ADGRV1: variants seen among roughly 807,000 people sequenced by gnomAD.
ADGRV1 encodes G-protein coupled receptor 98.
In ADGRV1, 359 loss-of-function variants were observed where a neutral mutation model predicts 596.2. That is an observed-to-expected ratio of 0.60 (90% CI 0.55 to 0.66). The LOEUF (loss-of-function observed/expected upper bound fraction) is 0.66, where lower values mean the gene tolerates loss of function less well. Ranked by LOEUF, ADGRV1 falls within the 30% of genes least tolerant of loss-of-function variation. ADGRV1 has a pLI of 0.00. For missense variants in ADGRV1, 7,274 were observed against 7,575.6 expected, an observed-to-expected ratio of 0.96 and a Z score of 1.48; for synonymous variants, 2,681 against 2,679.2, an observed-to-expected ratio of 1.00 and a Z score of -0.02.
chr5:90,711,323 G>A lies in ADGRV1; in HGVS notation c.9042+1G>A. On this transcript the variant is annotated splice_donor_variant, in intron 41 of 89. Transcript: ENST00000405460. LOFTEE classifies it high-confidence loss of function. ...GCTGGATTATATCTTCACCCCAATGGTGGGTCTCAAAATCTATCACAGATG... is the reference window on the plus strand; with the variant it reads ...GCTGGATTATATCTTCACCCCAATGATGGGTCTCAAAATCTATCACAGATG... The A allele has an allele frequency of 6.3e-7, 1 of 1,597,180 alleles. No individual in the cohort carries two copies. Among genetic ancestry groups the A allele is most frequent in the Non-Finnish European group, 8.5e-7 (1 of 1,173,530 alleles).
chr5:90,662,078 T>C (rs1192955848), intron 21 of ADGRV1, among the ~76,000 whole-genome samples: 1 of 151,972 alleles, frequency 6.6e-6, no homozygotes, highest in Non-Finnish European at 1.5e-5. Context: ...AGTTTTCATA[T>C]ATAGAGTATA....
At chr5:90,605,431 A>G (rs1400990021) in intron 1 of ADGRV1, among the ~76,000 whole-genome samples, 2 of 150,606 alleles carry the variant, frequency 1.3e-5, no homozygotes. Flanking sequence ...AAAAAAAAAG[A>G]TAAAAAAATA....
intron 71 of ADGRV1, 102 bp from the exon 72 acceptor site, chr5:90,805,182 A>C: frequency 1.2e-6 from 1 of 806,998 alleles, no homozygotes; most frequent in Middle Eastern, 2.4e-4. Context: ...AGACAAGGAT[A>C]TATATTGTAT....
At chr5:90,895,004 T>C (rs979722855) in intron 83 of ADGRV1, among the ~76,000 whole-genome samples, 3 of 152,072 alleles carry the variant, frequency 2.0e-5, no homozygotes, top group African/African-American at 4.8e-5. Flanking sequence ...TCACGGCTCA[T>C]TGTAGCCTCG....
intron 65 of ADGRV1, 93 bp from the exon 66 acceptor site, chr5:90,783,031 C>T: frequency 1.1e-6 from 1 of 948,520 alleles, no homozygotes. Context: ...TTACTTTGTG[C>T]CATTATGTTT....
intron 1 of ADGRV1, among the ~76,000 whole-genome samples, chr5:90,569,163 A>C (rs561302542): frequency 1.3e-5 from 2 of 150,302 alleles, no homozygotes; most frequent in East Asian, 3.9e-4. Flanking sequence ...TGACTAACCC[A>C]CCCCCCTAAT....
chr5:90,635,248 T>C lies in ADGRV1; in HGVS notation c.1974T>C (p.Leu658=), dbSNP rs1561427856. ...ANGEIGFLSN[L]PIILHEPEDF... ...GAGAAATTGGCTTTCTCAGCAATCT[T>C]CCAATTATTTTGCATGAACCAGAAG... Residue 658 remains leucine, a synonymous_variant, in exon 10 of 90, where the codon CTT becomes CTC. Coordinates refer to ENST00000405460, the MANE Select transcript of ADGRV1 (RefSeq NM_032119.4). 3 of 1,612,410 alleles carry C rather than the reference T, an allele frequency of 1.9e-6. No individual in the cohort carries two copies. Among genetic ancestry groups the C allele is most frequent in the Admixed American group, 1.7e-5 (1 of 59,780 alleles).
chr5:90,658,395 G>GTATGTTT (rs1170537269), intron 21 of ADGRV1, 117 bp downstream of exon 21: 2 of 835,148 alleles, frequency 2.4e-6, no homozygotes, highest in Non-Finnish European at 3.5e-6. Context: ...AAGTCCAGAA[G>GTATGTTT]TATGCTAGGG....
chr5:91,005,391 G>A (rs1379401797), intron 85 of ADGRV1, among the ~76,000 whole-genome samples: 1 of 151,886 alleles, frequency 6.6e-6, no homozygotes, highest in Non-Finnish European at 1.5e-5. Context: ...TTTTTGAAGT[G>A]CAGTGGCGCA....
chr5:90,960,860 G>A (rs115257299), intron 83 of ADGRV1, among the ~76,000 whole-genome samples: 27 of 152,134 alleles, frequency 1.8e-4, no homozygotes, highest in Non-Finnish European at 3.2e-4. Context: ...AATGGTGTAC[G>A]AAGAGTCTTA....
rs553276208 is a variant in ADGRV1, at chr5:90,760,446, T to C, written c.12120+858T>C. ...TCAGGAAATTACAAAGGGGAACAGA[T>C]TCCTATTTATTGGCTGTAGTAGATC... On this transcript the variant is annotated intron_variant, in intron 58 of 89. Transcript: ENST00000405460. Among the ~76,000 whole-genome samples, 155 of 152,248 alleles carry C rather than the reference T, an allele frequency of 1.0e-3. 1 individual carries two copies. Among genetic ancestry groups the C allele is most frequent in the African/African-American group, 3.6e-3 (150 of 41,546 alleles).
chr5:90,799,273 T>A (rs943470619), intron 70 of ADGRV1, among the ~76,000 whole-genome samples: 1 of 152,162 alleles, frequency 6.6e-6, no homozygotes, highest in Non-Finnish European at 1.5e-5. Flanking sequence ...AGTATTCTTA[T>A]ACACCAATAA....
Position 90,742,143 on chromosome 5 carries a change from G to A in ADGRV1, c.10550-2903G>A, listed in dbSNP as rs112786031. Among the ~76,000 whole-genome samples the A allele has an allele frequency of 1.6e-4, 25 of 152,258 alleles. 1 individual carries two copies. Among genetic ancestry groups the A allele is most frequent in the African/African-American group, 4.6e-4 (19 of 41,544 alleles). ...AAGCAAAACTACATATAAACCCTGCGCTGAAGAAGTTTTACAAGTAGCAGG... is the reference window on the plus strand; with the variant it reads ...AAGCAAAACTACATATAAACCCTGCACTGAAGAAGTTTTACAAGTAGCAGG... On this transcript the variant is annotated intron_variant, in intron 50 of 89. Transcript: ENST00000405460.
At chr5:90,776,656 C>A in intron 61 of ADGRV1, 80 bp downstream of exon 61, 1 of 1,402,268 alleles carries the variant, frequency 7.1e-7, no homozygotes, top group Non-Finnish European at 1.0e-6. Flanking sequence ...GTTTATCATT[C>A]TCAATACATA....
At chr5:90,691,700 CTT>C (rs1746502731) in intron 31 of ADGRV1, among the ~76,000 whole-genome samples, 1 of 152,112 alleles carries the variant, frequency 6.6e-6, no homozygotes, top group African/African-American at 2.4e-5. Flanking sequence ...TGTATAAACT[CTT>C]AACTTATATT....
At chr5:90,800,924 G>A (rs565432045) in intron 70 of ADGRV1, among the ~76,000 whole-genome samples, 1 of 152,100 alleles carries the variant, frequency 6.6e-6, no homozygotes, top group East Asian at 1.9e-4. Flanking sequence ...GGCCTGTCGG[G>A]GTGGGCACTA....
chr5:91,052,545 G>A (rs988611519), intron 85 of ADGRV1, among the ~76,000 whole-genome samples: 18 of 150,698 alleles, frequency 1.2e-4, no homozygotes, highest in Non-Finnish European at 2.1e-4. Context: ...AATGATTATC[G>A]TGCCTCAGCC....
At chr5:90,724,666 A>G (rs1014816052) in intron 45 of ADGRV1, among the ~76,000 whole-genome samples, 166 bp from the exon 46 acceptor site, 5 of 152,204 alleles carry the variant, frequency 3.3e-5, no homozygotes. Context: ...ATTTGTAGTT[A>G]TTTTAAAGTT....
chr5:91,070,064 T>C (rs1221269786), intron 85 of ADGRV1, among the ~76,000 whole-genome samples: 1 of 152,128 alleles, frequency 6.6e-6, no homozygotes, highest in Non-Finnish European at 1.5e-5. Flanking sequence ...CATTGGGTAC[T>C]CTTGGACGTA....
Sources: allele counts gnomAD v4.1 joint callset (sites outside exome capture counted in the v4.1 genomes callset), GRCh38; gene constraint gnomAD v4.1.1; transcripts MANE v1.5; gene names NCBI Gene and HGNC (gene_info 2026-07-23, HGNC 2026-07-21).